Variants in PACRG observed in about 807,000 individuals in gnomAD.
PACRG encodes parkin coregulated, also known as parkin coregulated gene protein.
In PACRG, 29 loss-of-function variants were observed where a neutral mutation model predicts 29.7. That is an observed-to-expected ratio of 0.98 (90% confidence interval 0.73 to 1.33). PACRG has a LOEUF of 1.33. PACRG is among the 40% of genes most tolerant of loss of function. The pLI, the probability that PACRG is intolerant of heterozygous loss-of-function variation, is 0.00. For synonymous variants in PACRG, 116 were observed against 118.7 expected (o/e 0.98, Z 0.15); for missense variants, 279 against 316.2 (o/e 0.88, Z 0.89).
At chr6:162,776,894 A>G (rs959534759) in intron 1 of PACRG, among the ~76,000 whole-genome samples, 9 of 152,132 alleles carry the variant, frequency 5.9e-5, no homozygotes, top group Non-Finnish European at 7.4e-5. Context: ...ATAAGCTAGC[A>G]TTAAAAGGCA....
At chr6:162,956,591 G>T (rs369802100) in intron 2 of PACRG, among the ~76,000 whole-genome samples, 3 of 152,142 alleles carry the variant, frequency 2.0e-5, no homozygotes, top group Non-Finnish European at 4.4e-5. Context: ...TGAACTCTGC[G>T]GGGCAGAATC....
chr6:162,752,163 C>T (rs1297329277), intron 1 of PACRG, among the ~76,000 whole-genome samples: 2 of 152,160 alleles, frequency 1.3e-5, no homozygotes, highest in African/African-American at 2.4e-5. Context: ...ATGCTAAAGA[C>T]AGCCTCGAAG....
chr6:162,879,484 G>A (rs958856385), intron 2 of PACRG, among the ~76,000 whole-genome samples: 5 of 152,154 alleles, frequency 3.3e-5, no homozygotes, highest in African/African-American at 1.2e-4. Context: ...CATTGAGGGG[G>A]GCAGGGGACA....
chr6:163,197,406 G>A (rs1264383682), intron 4 of PACRG, among the ~76,000 whole-genome samples: 2 of 148,852 alleles, frequency 1.3e-5, no homozygotes, highest in African/African-American at 2.5e-5. Flanking sequence ...CTGTCCTTAT[G>A]AAACTGGTGG....
intron 4 of PACRG, among the ~76,000 whole-genome samples, chr6:163,128,778 A>G (rs1262701541): frequency 1.3e-5 from 2 of 152,218 alleles, no homozygotes; most frequent in Non-Finnish European, 2.9e-5. Context: ...AAAGTTTCCA[A>G]CTAAATAAAG....
intron 4 of PACRG, among the ~76,000 whole-genome samples, chr6:163,281,380 T>C (rs985247470): frequency 3.3e-5 from 5 of 152,148 alleles, no homozygotes; most frequent in African/African-American, 7.2e-5. Context: ...CTCAAAGGTA[T>C]CTGCATGGGA....
At chr6:163,141,772 A>G (rs1163218802) in intron 4 of PACRG, among the ~76,000 whole-genome samples, 2 of 152,192 alleles carry the variant, frequency 1.3e-5, no homozygotes, top group African/African-American at 4.8e-5. Context: ...TCCTAACAAT[A>G]TAGCAGAAAC....
chr6:163,035,828 A>AC (rs1554340185), intron 2 of PACRG, among the ~76,000 whole-genome samples: 8 of 151,292 alleles, frequency 5.3e-5, no homozygotes, highest in South Asian at 2.1e-4. Flanking sequence ...AAAAAAAAAA[A>AC]AAAAAACAAA....
At chr6:162,998,118 G>T (rs1013548418) in intron 2 of PACRG, among the ~76,000 whole-genome samples, 12 of 152,312 alleles carry the variant, frequency 7.9e-5, no homozygotes, top group Non-Finnish European at 1.5e-4. Flanking sequence ...ACTCTGTTCC[G>T]CTGGTAGTGC....
chr6:163,143,984 T>C (rs1041165344), intron 4 of PACRG, among the ~76,000 whole-genome samples: 3 of 152,104 alleles, frequency 2.0e-5, no homozygotes, highest in African/African-American at 7.2e-5. Flanking sequence ...TCTCTAATCC[T>C]AGCACTTTGG....
intron 4 of PACRG, among the ~76,000 whole-genome samples, chr6:163,265,288 C>G (rs1367314502): frequency 6.6e-6 from 1 of 152,144 alleles, no homozygotes; most frequent in East Asian, 1.9e-4. Context: ...GTGCAGGCCC[C>G]TTCTGGTCCG....
intron 2 of PACRG, among the ~76,000 whole-genome samples, chr6:162,947,288 A>G (rs1457918250): frequency 1.5e-4 from 3 of 20,518 alleles, no homozygotes; most frequent in African/African-American, 5.6e-4. Flanking sequence ...ATATAATCAT[A>G]CATATAATCA....
intron 4 of PACRG, among the ~76,000 whole-genome samples, chr6:163,134,582 A>G (rs929113021): frequency 1.3e-4 from 20 of 152,232 alleles, no homozygotes; most frequent in African/African-American, 4.6e-4. Flanking sequence ...CATGCCGTCA[A>G]TTTTGTAATG....
intron 4 of PACRG, chr6:163,090,401 A>T (rs922841180): frequency 6.6e-6 from 1 of 152,188 alleles, no homozygotes; most frequent in Non-Finnish European, 1.5e-5. Flanking sequence ...AAAGGACTTC[A>T]AACTGGAGTT....
intron 2 of PACRG, among the ~76,000 whole-genome samples, chr6:162,977,406 T>TAA (rs369658680): frequency 0.028 from 4,141 of 148,338 alleles, 154 homozygotes; most frequent in African/African-American, 0.083. Flanking sequence ...AATTTCAAAT[T>TAA]AAAAAAAAAA....
intron 4 of PACRG, among the ~76,000 whole-genome samples, chr6:163,258,936 A>C (rs1322848462): frequency 6.6e-6 from 1 of 152,102 alleles, no homozygotes; most frequent in Non-Finnish European, 1.5e-5. Flanking sequence ...TCTAATAATC[A>C]CTAATGCTTT....
chr6:162,968,106 A>AGT lies in PACRG; in HGVS notation c.292-94044_292-94043insGT, dbSNP rs1457320789. 9.2e-5 allele frequency among the ~76,000 whole-genome samples: 14 copies of AGT among 152,206 alleles called. 1 individual carries two copies. Among genetic ancestry groups the AGT allele is most frequent in the Middle Eastern group, 6.8e-3 (2 of 294 alleles). On this transcript the variant is annotated intron_variant, in intron 2 of 4. Coordinates refer to ENST00000366888, the MANE Select transcript of PACRG (RefSeq NM_001080379.2). ...GCCAAGCTGTATTCCAGACTGCCATAATTAATTAAGTAGGTGAATGAATCT... is the reference window on the plus strand; with the variant it reads ...GCCAAGCTGTATTCCAGACTGCCATAGTATTAATTAAGTAGGTGAATGAATCT...
chr6:162,884,122 T>A (rs1794135720), intron 2 of PACRG, among the ~76,000 whole-genome samples: 1 of 152,082 alleles, frequency 6.6e-6, no homozygotes, highest in Non-Finnish European at 1.5e-5. Context: ...CTAATTTTTG[T>A]AGAGATGGTG....
intron 1 of PACRG, among the ~76,000 whole-genome samples, chr6:162,787,549 A>ATATGGT (rs1277650160): frequency 1.5e-4 from 21 of 137,142 alleles, no homozygotes; most frequent in African/African-American, 5.1e-4. Flanking sequence ...GTGTATATAT[A>ATATGGT]TATGGTTATT....
Sources: allele counts gnomAD v4.1 joint callset (sites outside exome capture counted in the v4.1 genomes callset), GRCh38; gene constraint gnomAD v4.1.1; transcripts MANE v1.5; gene names NCBI Gene and HGNC (gene_info 2026-07-23, HGNC 2026-07-21).